Variants in DMD observed in about 807,000 individuals in gnomAD.
DMD encodes the protein mutant dystrophin.
A neutral mutation model predicts 330.1 loss-of-function variants in DMD; 63 were observed. The observed-to-expected ratio is 0.19, with a 90% CI of 0.16 to 0.24. DMD has a LOEUF of 0.24. Ranked by LOEUF, DMD falls within the 10% of genes least tolerant of loss-of-function variation. The probability of loss-of-function intolerance (pLI) is 1.00; values close to 1 mark genes in which losing one functional copy is unlikely to be tolerated. For missense variants in DMD, 3,344 were observed against 2,684.1 expected (o/e 1.25, Z -5.43); for synonymous variants, 1,223 against 959.8 (o/e 1.27, Z -5.07).
intron 44 of DMD, among the ~76,000 whole-genome samples, chrX:32,093,577 T>C (rs1257743435): frequency 8.9e-6 from 1 of 111,741 alleles, no homozygotes; most frequent in African/African-American, 3.2e-5. Context: ...AGATTAGAAA[T>C]TACCATAAAT....
intron 1 of DMD, among the ~76,000 whole-genome samples, chrX:33,217,202 G>T (rs1421576033): frequency 9.0e-6 from 1 of 111,104 alleles, no homozygotes. Flanking sequence ...AATCTCTTTA[G>T]TTAAGTCCAA....
chrX:31,411,904 G>A (rs981323140), intron 60 of DMD, among the ~76,000 whole-genome samples: 1 of 110,918 alleles, frequency 9.0e-6, no homozygotes, highest in East Asian at 2.9e-4. Context: ...ATCTGGCTGG[G>A]CGTGGTGGCT....
chrX:31,303,271 A>C (rs931095956), intron 62 of DMD, among the ~76,000 whole-genome samples: 2 of 111,769 alleles, frequency 1.8e-5, no homozygotes, highest in Admixed American at 9.5e-5. Context: ...TACAAGTAAT[A>C]TGTAAATTAG....
At position 32,733,441 on chromosome X, in the gene DMD, C is replaced by T. The variant is rs1226918791; in HGVS notation, c.650-34148G>A. Among the ~76,000 whole-genome samples, 6 of 110,559 alleles carry T rather than the reference C, an allele frequency of 5.4e-5. No homozygotes were observed. In the Admixed American group the frequency reaches 5.7e-4, roughly 11 times the overall value. On this transcript the variant is annotated intron_variant, in intron 7 of 78. Coordinates refer to ENST00000357033, the MANE Select transcript of DMD (RefSeq NM_004006.3). ...ATAGACATCTACAGAACTCTCCACC[C>T]CAAATCAACAGAATATACATTCTTT...
At chrX:32,772,147 C>A (rs960682216) in intron 7 of DMD, among the ~76,000 whole-genome samples, 5 of 112,454 alleles carry the variant, frequency 4.4e-5, no homozygotes, top group African/African-American at 1.6e-4. Flanking sequence ...AAAGCAGATA[C>A]TGCTGTAAAA....
intron 2 of DMD, among the ~76,000 whole-genome samples, chrX:32,925,194 T>G (rs1041602326): frequency 2.3e-5 from 2 of 88,539 alleles, no homozygotes; most frequent in African/African-American, 8.4e-5. Context: ...ATTGATGGAC[T>G]CAATCTGAAA....
intron 71 of DMD, among the ~76,000 whole-genome samples, chrX:31,176,567 CAT>C (rs1365162556): frequency 9.0e-6 from 1 of 111,408 alleles, no homozygotes; most frequent in Non-Finnish European, 1.9e-5. Context: ...CTTATTTCCA[CAT>C]AGAGTAAATC....
At position 32,699,167 on chromosome X, in the gene DMD, T is replaced by A; in HGVS notation, c.776A>T (p.Lys259Ile). The A allele has an allele frequency of 8.3e-7, 1 of 1,210,614 alleles. No individual in the cohort carries two copies. Among genetic ancestry groups the A allele is most frequent in the East Asian group, 3.0e-5 (1 of 33,790 alleles). ...QEVEMLPRPP[K>I]VTKEEHFQLH... is the part of the protein sequence containing the mutation. ...CTGAAAATGTTCTTCTTTAGTCACT[T>A]TAGGTGGCCTTGGCAACATTTCCAC... Residue 259 changes from lysine (K) to isoleucine (I), a missense_variant, in exon 8 of 79, where the codon AAA (lysine) becomes ATA (isoleucine). Physicochemically the swap from Lys to Ile is moderately radical, Grantham distance 102. Transcript: ENST00000357033.
chrX:32,475,985 A>C (rs1395149180), intron 21 of DMD, among the ~76,000 whole-genome samples: 1 of 111,229 alleles, frequency 9.0e-6, no homozygotes, highest in Non-Finnish European at 1.9e-5. Flanking sequence ...AACAAAATCC[A>C]AAAGGGACCT....
intron 55 of DMD, among the ~76,000 whole-genome samples, chrX:31,570,756 T>C (rs1179471360): frequency 9.0e-6 from 1 of 111,656 alleles, no homozygotes; most frequent in Non-Finnish European, 1.9e-5. Flanking sequence ...TCAAGACTAA[T>C]AGGTTTTTCC....
At chrX:32,893,844 G>T (rs2085448432) in intron 2 of DMD, among the ~76,000 whole-genome samples, 1 of 111,492 alleles carries the variant, frequency 9.0e-6, no homozygotes, top group African/African-American at 3.3e-5. Context: ...TGGGAAATGT[G>T]ATAGCCTTTG....
chrX:32,718,240 C>T (rs765950002), intron 7 of DMD, among the ~76,000 whole-genome samples: 24 of 111,283 alleles, frequency 2.2e-4, no homozygotes, highest in South Asian at 7.6e-4. Context: ...TTGAATGAGG[C>T]GCCTGGTGGG....
intron 25 of DMD, among the ~76,000 whole-genome samples, chrX:32,456,735 T>C (rs2098360961): frequency 9.3e-6 from 1 of 107,918 alleles, no homozygotes; most frequent in Non-Finnish European, 1.9e-5. Flanking sequence ...GTAAGAGAAA[T>C]ATAGGAGACA....
chrX:32,749,801 C>A (rs2070564200), intron 7 of DMD, among the ~76,000 whole-genome samples: 1 of 112,170 alleles, frequency 8.9e-6, no homozygotes, highest in Non-Finnish European at 1.9e-5. Flanking sequence ...AAAAAAATGA[C>A]ACACAATTAA....
chrX:32,314,907 T>A (rs1222068722), intron 41 of DMD, among the ~76,000 whole-genome samples: 1 of 111,522 alleles, frequency 9.0e-6, no homozygotes, highest in Admixed American at 9.5e-5. Flanking sequence ...GGAGAAGATG[T>A]GGAGAAATAG....
intron 27 of DMD, among the ~76,000 whole-genome samples, chrX:32,447,469 A>G (rs1279965259): frequency 1.8e-5 from 2 of 111,410 alleles, no homozygotes; most frequent in Non-Finnish European, 3.8e-5. Flanking sequence ...CAATTGGAAA[A>G]TGATAATACT....
chrX:32,772,150 C>G (rs1224566374), intron 7 of DMD, among the ~76,000 whole-genome samples: 1 of 112,438 alleles, frequency 8.9e-6, no homozygotes, highest in Non-Finnish European at 1.9e-5. Flanking sequence ...GCAGATACTG[C>G]TGTAAAAGTT....
chrX:31,700,185 C>CA lies in DMD; in HGVS notation c.7661-20600dup, dbSNP rs61258230. On this transcript the variant is annotated intron_variant, in intron 52 of 78. Transcript: ENST00000357033. ...TAGGCAACATAGTGAGACTCTGTCT[C>CA]AAAAAAAAAAAAAAATTCTCTCACA... is the stretch of plus-strand genomic sequence containing the variant. Among the ~76,000 whole-genome samples, 235 of 81,394 alleles carry CA rather than the reference C, an allele frequency of 2.9e-3. 1 individual carries two copies. Among genetic ancestry groups the CA allele is most frequent in the Middle Eastern group, 6.8e-3 (1 of 148 alleles). The allele number at this position is 81,394 out of a possible 115,157, so 70.7% of individuals were successfully genotyped here. A position where few individuals can be genotyped will look rare whatever the true frequency, so the allele number is the denominator to read the frequency against.
intron 61 of DMD, among the ~76,000 whole-genome samples, chrX:31,340,900 C>T (rs943818301): frequency 1.8e-5 from 2 of 111,892 alleles, no homozygotes; most frequent in East Asian, 2.8e-4. Context: ...ACTATCCTGA[C>T]ATTTTAGAGA....
Sources: allele counts gnomAD v4.1 joint callset (sites outside exome capture counted in the v4.1 genomes callset), GRCh38; gene constraint gnomAD v4.1.1; transcripts MANE v1.5; gene names NCBI Gene and HGNC (gene_info 2026-07-23, HGNC 2026-07-21).